The following SNX18 variants were observed in gnomAD, a reference collection of about 807,000 sequenced individuals.
The protein encoded by SNX18 is sorting nexin 18, also known as sorting nexin-18.
A neutral mutation model predicts 48.7 loss-of-function variants in SNX18; 35 were observed. That is an observed-to-expected ratio of 0.72 (90% CI 0.55 to 0.95). The LOEUF (loss-of-function observed/expected upper bound fraction) is 0.95. SNX18 is among the 40% of genes least tolerant of loss of function. The probability of loss-of-function intolerance (pLI) is 0.00; values close to 1 mark genes in which losing one functional copy is unlikely to be tolerated. For missense variants in SNX18, 824 were observed against 871.0 expected, an observed-to-expected ratio of 0.95 and a Z score of 0.68; for synonymous variants, 492 against 384.7, an observed-to-expected ratio of 1.28 and a Z score of -3.26.
chr5:54,582,475 T>C, the SNX18 span, among the ~76,000 whole-genome samples: 1 of 152,132 alleles, frequency 6.6e-6, no homozygotes, highest in Non-Finnish European at 1.5e-5. Context: ...AGAATCTGTT[T>C]GGGCTGGGTG....
the SNX18 span, among the ~76,000 whole-genome samples, chr5:54,616,758 G>T: frequency 6.7e-6 from 1 of 150,022 alleles, no homozygotes; most frequent in Non-Finnish European, 1.5e-5. Context: ...GACAGAGCAA[G>T]ACTCCATCTC....
chr5:54,597,997 G>A, the SNX18 span, among the ~76,000 whole-genome samples: 1 of 152,008 alleles, frequency 6.6e-6, no homozygotes, highest in Non-Finnish European at 1.5e-5. Flanking sequence ...CTACTAGCTA[G>A]ACTAATAAAG....
chr5:54,613,182 T>C, the SNX18 span, among the ~76,000 whole-genome samples: 1 of 152,202 alleles, frequency 6.6e-6, no homozygotes, highest in African/African-American at 2.4e-5. Context: ...GCAACTTGGG[T>C]AGCAGCAAAA....
At chr5:54,595,503 G>A in the SNX18 span, among the ~76,000 whole-genome samples, 1 of 152,134 alleles carries the variant, frequency 6.6e-6, no homozygotes, top group African/African-American at 2.4e-5. Flanking sequence ...CCAAAGTGCT[G>A]GGATTATAGG....
At position 54,545,287 on chromosome 5, in the gene SNX18, C is replaced by G. The variant is rs747512386; in HGVS notation, c.*1855C>G. 1 of 152,112 alleles carries G rather than the reference C, an allele frequency of 6.6e-6. No individual in the cohort carries two copies. The highest frequency in any genetic ancestry group is 1.5e-5 in the Non-Finnish European group (1 of 67,986). 9.4% of individuals were successfully genotyped at this position (152,112 alleles called of 1,614,324 possible). On this transcript the variant is annotated 3_prime_UTR_variant, in exon 2 of 2. Transcript: ENST00000381410. ...TATGTATATATAAATGTTAATTTTGCGGAAGTCTGGAAATTATAACTATAG... is the reference window on the plus strand; with the variant it reads ...TATGTATATATAAATGTTAATTTTGGGGAAGTCTGGAAATTATAACTATAG...
the SNX18 span, among the ~76,000 whole-genome samples, chr5:54,614,614 C>T: frequency 6.6e-6 from 1 of 152,012 alleles, no homozygotes; most frequent in Non-Finnish European, 1.5e-5. Context: ...CAAGATCAGC[C>T]TGGGCAACAT....
At chr5:54,527,744 G>A (rs141784693) in intron 1 of SNX18, among the ~76,000 whole-genome samples, 1 of 152,318 alleles carries the variant, frequency 6.6e-6, no homozygotes, top group East Asian at 1.9e-4. Context: ...TTCCTGTGTT[G>A]TATAGCTGTT....
chr5:54,615,948 A>G, the SNX18 span, among the ~76,000 whole-genome samples: 7 of 152,336 alleles, frequency 4.6e-5, no homozygotes, highest in South Asian at 1.5e-3. Context: ...CCACTCTTGC[A>G]TGAATAAAAT....
intron 1 of SNX18, among the ~76,000 whole-genome samples, chr5:54,530,250 G>A (rs1463186576): frequency 6.6e-6 from 1 of 152,104 alleles, no homozygotes; most frequent in Non-Finnish European, 1.5e-5. Flanking sequence ...CAGAGACCCT[G>A]TTTCCAAAAA....
chr5:54,634,348 C>A, the SNX18 span, among the ~76,000 whole-genome samples: 1 of 152,116 alleles, frequency 6.6e-6, no homozygotes, highest in African/African-American at 2.4e-5. Flanking sequence ...CTGATACATT[C>A]AGGAAAGAGG....
chr5:54,597,096 G>A, the SNX18 span, among the ~76,000 whole-genome samples: 1,071 of 152,282 alleles, frequency 7.0e-3, 13 homozygotes, highest in African/African-American at 0.024. Context: ...AAAAGCAGGG[G>A]TTGCAATCCT....
intron 1 of SNX18, among the ~76,000 whole-genome samples, chr5:54,527,874 C>T (rs78172288): frequency 0.027 from 4,048 of 151,982 alleles, 72 homozygotes; most frequent in Middle Eastern, 0.061. Flanking sequence ...TTTTGTTTTT[C>T]CATTTATATG....
the SNX18 span, among the ~76,000 whole-genome samples, chr5:54,598,389 A>G: frequency 6.6e-6 from 1 of 152,230 alleles, no homozygotes; most frequent in Admixed American, 6.5e-5. Flanking sequence ...TCATTCTATG[A>G]GGCCAGGCCT....
At chr5:54,533,336 T>A (rs771832836) in intron 1 of SNX18, among the ~76,000 whole-genome samples, 2 of 152,210 alleles carry the variant, frequency 1.3e-5, no homozygotes, top group African/African-American at 4.8e-5. Flanking sequence ...CAGGGTTTAT[T>A]AATGTGGTCT....
chr5:54,530,744 A>T (rs1225930380), intron 1 of SNX18, among the ~76,000 whole-genome samples: 8 of 72,510 alleles, frequency 1.1e-4, no homozygotes, highest in East Asian at 5.2e-4. Flanking sequence ...AACCACAGAA[A>T]TTTTTTTTTT....
the SNX18 span, among the ~76,000 whole-genome samples, chr5:54,594,878 A>G: frequency 0.024 from 3,602 of 152,214 alleles, 137 homozygotes; most frequent in African/African-American, 0.08. Context: ...CTTTATGTCC[A>G]TGAATACCCA....
At chr5:54,642,366 G>C in the SNX18 span, among the ~76,000 whole-genome samples, 1 of 151,640 alleles carries the variant, frequency 6.6e-6, no homozygotes, top group African/African-American at 2.4e-5. Flanking sequence ...AATAAAAATG[G>C]AATTAGTTAT....
chr5:54,520,789 G>C, intron 1 of SNX18: 1 of 167,204 alleles, frequency 6.0e-6, no homozygotes. Flanking sequence ...CTGGTCTTCT[G>C]ACTCCTATGG....
the SNX18 span, among the ~76,000 whole-genome samples, chr5:54,616,877 T>A: frequency 6.6e-6 from 1 of 152,204 alleles, no homozygotes; most frequent in Non-Finnish European, 1.5e-5. Flanking sequence ...TAAACTCAGA[T>A]GCAAGGTAAC....
Sources: gnomAD v4.1 joint callset for allele counts (sites outside exome capture counted in the v4.1 genomes callset) on GRCh38, gnomAD v4.1.1 for gene constraint, MANE v1.5 for transcripts, NCBI Gene and HGNC (gene_info 2026-07-23, HGNC 2026-07-21) for gene names.